The following ATM variants were observed in gnomAD, a reference collection of about 807,000 sequenced individuals.
ATM encodes ATM serine/threonine kinase.
A neutral mutation model predicts 387.0 loss-of-function variants in ATM; 308 were observed. The observed-to-expected ratio is 0.80, with a 90% CI of 0.73 to 0.87. ATM has a LOEUF of 0.87. Among genes scored for constraint, ATM ranks in the 40% least tolerant of loss-of-function variants. The pLI is 0.00. For missense variants in ATM, 3,312 were observed against 3,560.9 expected, an observed-to-expected ratio of 0.93 and a Z score of 1.78; for synonymous variants, 1,156 against 1,187.3, an observed-to-expected ratio of 0.97 and a Z score of 0.54.
At chr11:108,280,963 A>G (rs1165577711) in intron 23 of ATM, 32 bp from the exon 24 acceptor site, 3 of 1,545,564 alleles carry the variant, frequency 1.9e-6, no homozygotes, top group East Asian at 2.3e-5. Context: ...TTTACATTTT[A>G]CATTACATTT....
chr11:108,336,036 C>CCCAT, intron 56 of ATM, 75 bp downstream of exon 56: 1 of 1,141,194 alleles, frequency 8.8e-7, no homozygotes, highest in South Asian at 1.3e-5. Context: ...GTGGCTCATG[C>CCCAT]CCATATTCAT....
chr11:108,239,661 T>G (rs1352352038), intron 5 of ATM, among the ~76,000 whole-genome samples: 1 of 152,288 alleles, frequency 6.6e-6, no homozygotes, highest in South Asian at 2.1e-4. Flanking sequence ...TACCCAGAAG[T>G]AGAATTGCTA....
chr11:108,271,077 T>G lies in ATM; in HGVS notation c.2852T>G (p.Leu951Ter). 1 of 1,614,016 alleles carries G rather than the reference T, an allele frequency of 6.2e-7. No homozygotes were observed. Among genetic ancestry groups the G allele is most frequent in the Non-Finnish European group, 8.5e-7 (1 of 1,179,932 alleles). The change falls in exon 19 of 63, where the codon TTA becomes TGA. Residue 951 changes from leucine to a stop codon, truncating the protein, a stop_gained. Transcript: ENST00000675843. LOFTEE classifies it high-confidence loss of function. Reference sequence around the variant, plus strand: ...CTACCATCTTAGTATCTAATGCTTTTAAAGGAGCTTCCTGGAGAAGAGTAC... The same window carrying G: ...CTACCATCTTAGTATCTAATGCTTTGAAAGGAGCTTCCTGGAGAAGAGTAC... Reference protein sequence around the residue: ...SLHLHMYLMLLKELPGEEYPL... With the variant: ...SLHLHMYLML
chr11:108,320,131 CA>C lies in ATM; in HGVS notation c.6452+75del, dbSNP rs3218683. 7,075 of 1,168,174 alleles carry C rather than the reference CA, an allele frequency of 6.1e-3. 25 individuals carry two copies. Among genetic ancestry groups the C allele is most frequent in the African/African-American group, 7.7e-3 (503 of 65,684 alleles). 72.4% of individuals were successfully genotyped at this position (1,168,174 alleles called of 1,614,324 possible). A position where few individuals can be genotyped will look rare whatever the true frequency, so the allele number is the denominator to read the frequency against. ...GCTTCTTTTCTGAAAACTTGAGAAA[CA>C]ATTTTAATGTAAGGATTTGCATTGA... On this transcript the variant is annotated intron_variant, in intron 44 of 62. Coordinates refer to ENST00000675843, the MANE Select transcript of ATM (RefSeq NM_000051.4).
chr11:108,327,764 A>AT lies in ATM; in HGVS notation c.7089+11dup. On this transcript the variant is annotated splice_region_variant and intron_variant, in intron 48 of 62. Coordinates refer to ENST00000675843, the MANE Select transcript of ATM (RefSeq NM_000051.4). Reference sequence around the variant, plus strand: ...TGCAGACCTATCTAGAAAAGGTAAGATTTTTGGAGCAACCCTTAAGATAGT... The same window carrying AT: ...TGCAGACCTATCTAGAAAAGGTAAGATTTTTTGGAGCAACCCTTAAGATAGT... 1 of 1,603,016 alleles carries AT rather than the reference A, an allele frequency of 6.2e-7. No individual in the cohort carries two copies. The highest frequency in any genetic ancestry group is 8.5e-7 in the Non-Finnish European group (1 of 1,170,282).
chr11:108,314,014 C>G (rs189095681), intron 40 of ATM, among the ~76,000 whole-genome samples: 1 of 152,270 alleles, frequency 6.6e-6, no homozygotes, highest in African/African-American at 2.4e-5. Flanking sequence ...AATTCCAATA[C>G]AGTTTTGTGC....
At chr11:108,231,933 C>T (rs1281156339) in intron 4 of ATM, among the ~76,000 whole-genome samples, 1 of 152,172 alleles carries the variant, frequency 6.6e-6, no homozygotes, top group Non-Finnish European at 1.5e-5. Flanking sequence ...ATATTCTGCA[C>T]TCACTTTTGC....
At chr11:108,251,103 C>A (rs1471448720) in intron 10 of ATM, 31 bp downstream of exon 10, 5 of 1,612,988 alleles carry the variant, frequency 3.1e-6, no homozygotes, top group Non-Finnish European at 4.2e-6. Context: ...GTCTGACTTA[C>A]AGATAAACAC....
At chr11:108,236,292 CTAG>C in intron 5 of ATM, 1 of 181,650 alleles carries the variant, frequency 5.5e-6, no homozygotes, top group Non-Finnish European at 1.2e-5. Flanking sequence ...GCCTGTAATC[CTAG>C]CACTTTGGGA....
Position 108,250,773 on chromosome 11 carries a change from G to C in ATM, c.1308G>C (p.Leu436=). 6.2e-7 allele frequency: 1 copy of C among 1,611,984 alleles called. No individual in the cohort carries two copies. The highest frequency in any genetic ancestry group is 1.1e-5 in the South Asian group (1 of 91,026). ...SLPNCELSPL[L]MILSQLLPQQ... ...CTAACTGTGAGCTGTCTCCATTACT[G>C]ATGATACTATCTCAGCTTCTACCCC... is the stretch of plus-strand genomic sequence containing the variant. Residue 436 remains leucine, a synonymous_variant, in exon 10 of 63, where the codon CTG becomes CTC. Coordinates refer to ENST00000675843, the MANE Select transcript of ATM (RefSeq NM_000051.4).
chr11:108,256,270 G>T lies in ATM; in HGVS notation c.2180G>T (p.Gly727Val), dbSNP rs1446080226. The change falls in exon 14 of 63, where the codon GGC (glycine) becomes GTC (valine). Residue 727 changes from glycine to valine, a missense_variant. Around this residue, in one of 4 missense-constraint regions of ATM, gnomAD observed 1,791 missense variants for 1,804.5 expected, o/e 0.99. Coordinates refer to ENST00000675843, the MANE Select transcript of ATM (RefSeq NM_000051.4). ...TCACGTCTTTTGGTGGGTGTCCTTG[G>T]CTGCTACTGTTACATGGGTGTAATA... ...RCSRLLVGVL[G>V]CYCYMGVIAE... is the part of the protein sequence containing the mutation. The T allele has an allele frequency of 3.7e-6, 6 of 1,610,868 alleles. No homozygotes were observed. The Admixed American group carries it at 1.0e-4, about 27-fold the overall frequency.
At chr11:108,243,772 G>A (rs575843815) in intron 5 of ATM, among the ~76,000 whole-genome samples, 181 bp from the exon 6 acceptor site, 3 of 152,150 alleles carry the variant, frequency 2.0e-5, no homozygotes, top group Non-Finnish European at 4.4e-5. Context: ...TGTCTTAAAG[G>A]CATTTTATAT....
chr11:108,335,165 G>C, intron 55 of ATM, 56 bp downstream of exon 55: 6 of 1,611,270 alleles, frequency 3.7e-6, no homozygotes, highest in East Asian at 2.2e-5. Context: ...AAAATTTTTA[G>C]TTCATATTTT....
At chr11:108,341,842 C>T (rs550756594) in intron 56 of ATM, among the ~76,000 whole-genome samples, 16 of 152,234 alleles carry the variant, frequency 1.1e-4, no homozygotes, top group East Asian at 3.9e-4. Flanking sequence ...TTAAGTATTG[C>T]GAAAGTTATG....
At position 108,331,575 on chromosome 11, in the gene ATM, T is replaced by C; in HGVS notation, c.7629+18T>C. ...TCAATAATGTAAGTAAACCTGAAAA[T>C]CAAACCACAATAATTATTTTTATTC... On this transcript the variant is annotated intron_variant, in intron 51 of 62. Transcript: ENST00000675843. 6.3e-7 allele frequency: 1 copy of C among 1,597,582 alleles called. No individual in the cohort carries two copies. Among genetic ancestry groups the C allele is most frequent in the South Asian group, 1.1e-5 (1 of 87,154 alleles).
chr11:108,235,016 A>T (rs960898094), intron 4 of ATM, among the ~76,000 whole-genome samples: 7 of 152,138 alleles, frequency 4.6e-5, no homozygotes, highest in Non-Finnish European at 8.8e-5. Context: ...TAACACCAGA[A>T]ATTGTGAATT....
Position 108,287,438 on chromosome 11 carries a change from G to A in ATM, c.3994-162G>A, listed in dbSNP as rs1415556577. On this transcript the variant is annotated intron_variant, in intron 26 of 62. Coordinates refer to ENST00000675843, the MANE Select transcript of ATM (RefSeq NM_000051.4). ...ACAGGTTGGCTGCATAGAAGAAAAA[G>A]GTAGAGTTATTTATAATCTTGTAAA... is the stretch of plus-strand genomic sequence containing the variant. 1 of 518,244 alleles carries A rather than the reference G, an allele frequency of 1.9e-6. No individual in the cohort carries two copies. The highest frequency in any genetic ancestry group is 3.3e-6 in the Non-Finnish European group (1 of 300,642). 32.1% of individuals were successfully genotyped at this position (518,244 alleles called of 1,614,324 possible).
chr11:108,250,648 GT>G, intron 9 of ATM, 52 bp from the exon 10 acceptor site: 1 of 1,537,478 alleles, frequency 6.5e-7, no homozygotes, highest in East Asian at 2.3e-5. Flanking sequence ...TTTCCTTTTA[GT>G]TTGTTAATGT....
intron 56 of ATM, chr11:108,336,265 G>A (rs1247412094): frequency 3.1e-6 from 1 of 322,458 alleles, no homozygotes; most frequent in Non-Finnish European, 5.9e-6. Context: ...AAACTCTGCA[G>A]TGAGCCCCAG....
Sources: gnomAD v4.1 joint callset for allele counts (sites outside exome capture counted in the v4.1 genomes callset) on GRCh38, gnomAD v4.1.1 for gene constraint, gnomAD v4.1.1 regional missense constraint, MANE v1.5 for transcripts, NCBI Gene and HGNC (gene_info 2026-07-23, HGNC 2026-07-21) for gene names.